SCN8A: variants seen among roughly 807,000 people sequenced by gnomAD.
SCN8A encodes the protein sodium channel protein type 8 subunit alpha.
SCN8A carries 30 observed loss-of-function variants against 184.1 expected under a neutral mutation model. The observed-to-expected ratio is 0.16, with a 90% confidence interval of 0.12 to 0.22. SCN8A has a LOEUF of 0.22. Among genes scored for constraint, SCN8A ranks in the 10% least tolerant of loss-of-function variants. The probability of loss-of-function intolerance (pLI) is 1.00; values close to 1 mark genes in which losing one functional copy is unlikely to be tolerated. For missense variants in SCN8A, 1,057 were observed against 2,498.9 expected (o/e 0.42, Z 12.30); for synonymous variants, 852 against 907.0 (o/e 0.94, Z 1.09).
intron 26 of SCN8A, among the ~76,000 whole-genome samples, chr12:51,800,630 G>A (rs1398424490): frequency 6.6e-6 from 1 of 152,200 alleles, no homozygotes; most frequent in African/African-American, 2.4e-5. Context: ...TCTGGCACTG[G>A]GAAAATGACC....
rs371035550 is a variant in SCN8A at position 51,706,414 on chromosome 12, T to C, written c.1342-8T>C. 14 of 1,550,120 alleles carry C rather than the reference T, an allele frequency of 9.0e-6. No individual in the cohort carries two copies. Among genetic ancestry groups the C allele is most frequent in the Admixed American group, 2.0e-5 (1 of 49,868 alleles). Reference sequence around the variant, plus strand: ...GGTCTGGCTTCCCTGCTGTGGCTTCTTTCCTAGGCTGCTGCGATGGCCACT... The same window carrying C: ...GGTCTGGCTTCCCTGCTGTGGCTTCCTTCCTAGGCTGCTGCGATGGCCACT... On this transcript the variant is annotated splice_region_variant and splice_polypyrimidine_tract_variant and intron_variant, in intron 10 of 26. Transcript: ENST00000627620.
chr12:51,713,572 G>A, intron 11 of SCN8A: 1 of 707,400 alleles, frequency 1.4e-6, no homozygotes, highest in Non-Finnish European at 2.6e-6. Context: ...GCTGGAGTCG[G>A]ACTGGGGGCG....
At chr12:51,729,374 G>A (rs186101836) in intron 12 of SCN8A, among the ~76,000 whole-genome samples, 6 of 152,198 alleles carry the variant, frequency 3.9e-5, no homozygotes, top group South Asian at 2.1e-4. Flanking sequence ...CTTCTGACTC[G>A]TATCACTATA....
chr12:51,653,040 CCAAG>C (rs1186561197), intron 1 of SCN8A, among the ~76,000 whole-genome samples: 1 of 152,078 alleles, frequency 6.6e-6, no homozygotes, highest in Non-Finnish European at 1.5e-5. Flanking sequence ...ATAAACTGGG[CCAAG>C]CGAGGTGGCT....
intron 10 of SCN8A, among the ~76,000 whole-genome samples, chr12:51,706,055 CTT>C (rs759615755): frequency 1.3e-5 from 2 of 152,166 alleles, no homozygotes; most frequent in African/African-American, 2.4e-5. Flanking sequence ...CACCTTAACA[CTT>C]AACTTTCTCA....
intron 1 of SCN8A, among the ~76,000 whole-genome samples, chr12:51,655,106 C>A (rs551578183): frequency 6.6e-6 from 1 of 152,050 alleles, no homozygotes; most frequent in African/African-American, 2.4e-5. Flanking sequence ...GCTGTGTCGG[C>A]CAGGCTGGTT....
In SCN8A at chr12:51,644,704, G is replaced by C. The variant is rs973079573; in HGVS notation, c.-54-18060G>C. The stretch of plus-strand genomic sequence containing the variant: ...TCTCCGCCTGGCCGCCCATCGTCTG[G>C]GATGTGAGGGGCCCCTCTGCCTGGC... On this transcript the variant is annotated intron_variant, in intron 1 of 26. Transcript: ENST00000627620. Among the ~76,000 whole-genome samples the C allele has an allele frequency of 2.6e-5, 4 of 151,870 alleles. No individual in the cohort carries two copies. The East Asian group carries it at 7.8e-4, about 30-fold the overall frequency.
Position 51,751,408 on chromosome 12 carries a change from A to C in SCN8A, c.2185A>C (p.Thr729Pro), listed in dbSNP as rs1942592830. The C allele has an allele frequency of 6.2e-7, 1 of 1,613,928 alleles. No individual in the cohort carries two copies. The highest frequency in any genetic ancestry group is 8.5e-7 in the Non-Finnish European group (1 of 1,179,874). Residue 729 changes from threonine (T) to proline (P), a missense_variant, in exon 14 of 27, where the codon ACT (threonine) becomes CCT (proline). Physicochemically the swap from Thr to Pro is conservative, Grantham distance 38 (BLOSUM62 -1). Around this residue, in one of 19 missense-constraint regions of SCN8A, gnomAD observed 322 missense variants for 390.1 expected, o/e 0.83. Coordinates refer to ENST00000627620, the MANE Select transcript of SCN8A (RefSeq NM_001330260.2). ...GCCATGCTGGTATAAATTTGCCAAC[A>C]CTTTCCTCATCTGGGAGTGCCACCC... Reference protein sequence around the residue: ...CPPCWYKFANTFLIWECHPYW... With the variant: ...CPPCWYKFANPFLIWECHPYW...
rs1393343602 is a variant in SCN8A, at chr12:51,600,279, A to G, written c.-55+8920A>G. On this transcript the variant is annotated intron_variant, in intron 1 of 26. Coordinates refer to ENST00000627620, the MANE Select transcript of SCN8A (RefSeq NM_001330260.2). ...TCTCAACTCACCTTCAGTTTGGAGG[A>G]TAAAGGAACAAGAATTCTATACCTT... is the stretch of plus-strand genomic sequence containing the variant. 2.6e-5 allele frequency among the ~76,000 whole-genome samples: 4 copies of G among 152,312 alleles called. No homozygotes were observed. The East Asian group carries it at 7.7e-4, about 29-fold the overall frequency.
At chr12:51,787,569 T>C (rs1938120680) in intron 22 of SCN8A, among the ~76,000 whole-genome samples, 1 of 152,254 alleles carries the variant, frequency 6.6e-6, no homozygotes, top group African/African-American at 2.4e-5. Context: ...CTATTAAATA[T>C]AGATAATGAC....
intron 1 of SCN8A, among the ~76,000 whole-genome samples, chr12:51,633,121 T>C (rs1940235578): frequency 1.3e-5 from 2 of 152,164 alleles, no homozygotes; most frequent in Non-Finnish European, 2.9e-5. Context: ...CAACACTGTT[T>C]TCCAAGCTGT....
chr12:51,667,975 G>T (rs1941064845), intron 2 of SCN8A, among the ~76,000 whole-genome samples: 1 of 151,992 alleles, frequency 6.6e-6, no homozygotes, highest in Non-Finnish European at 1.5e-5. Flanking sequence ...CTTGAGGTCG[G>T]GAGTTTGAGA....
chr12:51,743,737 C>A (rs1169304660), intron 12 of SCN8A, among the ~76,000 whole-genome samples: 1 of 152,192 alleles, frequency 6.6e-6, no homozygotes, highest in Non-Finnish European at 1.5e-5. Flanking sequence ...TGAAGCCAGC[C>A]AGGTTTGTAT....
rs566080770 is a variant in SCN8A, at chr12:51,612,847, G to A, written c.-55+21488G>A. Among the ~76,000 whole-genome samples the A allele has an allele frequency of 5.9e-5, 9 of 151,928 alleles. No individual in the cohort carries two copies. The South Asian group carries it at 6.3e-4, about 11-fold the overall frequency. ...AGTGATTCTCCTGCCTCAGCCTCCC[G>A]AGTAGCTGGGATTACAGGCACCCAC... On this transcript the variant is annotated intron_variant, in intron 1 of 26. Transcript: ENST00000627620.
At chr12:51,698,742 G>C (rs10876204) in intron 6 of SCN8A, among the ~76,000 whole-genome samples, 126,887 of 152,224 alleles carry the variant, frequency 0.83, 53,932 homozygotes, top group East Asian at 0.97. Flanking sequence ...AGAAAGCAGG[G>C]AATGTATGTG....
At chr12:51,723,830 A>G (rs1942113916) in intron 12 of SCN8A, among the ~76,000 whole-genome samples, 1 of 141,636 alleles carries the variant, frequency 7.1e-6, no homozygotes, top group South Asian at 2.3e-4. Context: ...CCTGGGCAAC[A>G]GAGCGAGACT....
intron 20 of SCN8A, among the ~76,000 whole-genome samples, chr12:51,775,661 G>A (rs762397096): frequency 5.9e-5 from 9 of 152,206 alleles, no homozygotes; most frequent in South Asian, 2.1e-4. Context: ...CTTAAAGAAT[G>A]GGATTGAGAT....
chr12:51,675,568 G>C lies in SCN8A; in HGVS notation c.277-8606G>C, dbSNP rs1332112839. Among the ~76,000 whole-genome samples, 4 of 152,138 alleles carry C rather than the reference G, an allele frequency of 2.6e-5. No homozygotes were observed. The East Asian group carries it at 7.7e-4, about 29-fold the overall frequency. ...GACCTGGTGCAGTAAAAAGAGTTTA[G>C]AACTAGAAGCCGGGAGATCTAGTCC... is the stretch of plus-strand genomic sequence containing the variant. On this transcript the variant is annotated intron_variant, in intron 2 of 26. Transcript: ENST00000627620.
intron 12 of SCN8A, among the ~76,000 whole-genome samples, chr12:51,725,087 G>A (rs781741499): frequency 1.3e-5 from 2 of 152,202 alleles, no homozygotes; most frequent in Non-Finnish European, 2.9e-5. Context: ...CCCAAAGTCA[G>A]GAGGTCACAG....
Sources: gnomAD v4.1 joint callset for allele counts (sites outside exome capture counted in the v4.1 genomes callset) on GRCh38, gnomAD v4.1.1 for gene constraint, gnomAD v4.1.1 regional missense constraint, MANE v1.5 for transcripts, NCBI Gene and HGNC (gene_info 2026-07-23, HGNC 2026-07-21) for gene names.